The following CORIN variants were observed in gnomAD, a reference collection of about 807,000 sequenced individuals.
CORIN encodes atrial natriuretic peptide-converting enzyme.
A neutral mutation model predicts 125.3 loss-of-function variants in CORIN; 117 were observed. That is an observed-to-expected ratio of 0.93 (90% CI 0.80 to 1.09). The LOEUF (loss-of-function observed/expected upper bound fraction) is 1.09. Among genes scored for constraint, CORIN ranks in the 50% least tolerant of loss-of-function variants. The pLI is 0.00. For synonymous variants in CORIN, 450 were observed against 466.4 expected (o/e 0.96, Z 0.45); for missense variants, 1,253 against 1,306.7 (o/e 0.96, Z 0.63).
At chr4:47,658,710 T>C (rs1156939883) in intron 12 of CORIN, among the ~76,000 whole-genome samples, 1 of 152,250 alleles carries the variant, frequency 6.6e-6, no homozygotes, top group Non-Finnish European at 1.5e-5. Context: ...GGGAGATCTC[T>C]GAAATGCCTT....
rs372868098 is a variant in CORIN, at chr4:47,757,576, C to T, written c.617+5803G>A. On this transcript the variant is annotated intron_variant, in intron 4 of 21. Transcript: ENST00000273857. ...CACTACTACACTCCAGCCTTAGCAG[C>T]AGAGCGAGACCCTGCCTCAAAAAAT... Among the ~76,000 whole-genome samples the T allele has an allele frequency of 1.5e-4, 23 of 152,006 alleles. No homozygotes were observed. The East Asian group carries it at 2.3e-3, about 15-fold the overall frequency.
chr4:47,604,786 C>T (rs1721583919), intron 19 of CORIN, among the ~76,000 whole-genome samples: 1 of 152,182 alleles, frequency 6.6e-6, no homozygotes, highest in Admixed American at 6.5e-5. Flanking sequence ...TAATCTTAGT[C>T]CCTGTAGTCC....
chr4:47,651,554 A>C (rs970109999), intron 13 of CORIN, among the ~76,000 whole-genome samples: 1 of 152,236 alleles, frequency 6.6e-6, no homozygotes, highest in African/African-American at 2.4e-5. Context: ...CGAAGTATGT[A>C]AAGTTTTCTA....
chr4:47,707,470 C>T (rs980814678), intron 5 of CORIN, among the ~76,000 whole-genome samples: 7 of 152,278 alleles, frequency 4.6e-5, no homozygotes, highest in Middle Eastern at 6.8e-3. Context: ...GAATCCCACT[C>T]GTTTAACTTA....
chr4:47,746,356 C>T (rs925283411), intron 4 of CORIN, among the ~76,000 whole-genome samples: 3 of 152,140 alleles, frequency 2.0e-5, no homozygotes, highest in Non-Finnish European at 4.4e-5. Flanking sequence ...TATTACTAAT[C>T]CCCAATATAC....
At chr4:47,752,941 C>T (rs895774094) in intron 4 of CORIN, among the ~76,000 whole-genome samples, 3 of 151,678 alleles carry the variant, frequency 2.0e-5, no homozygotes, top group Admixed American at 1.3e-4. Context: ...GCCATGAATA[C>T]GGATATTCAA....
At chr4:47,671,490 C>A (rs1724755645) in intron 10 of CORIN, among the ~76,000 whole-genome samples, 1 of 152,190 alleles carries the variant, frequency 6.6e-6, no homozygotes, top group Admixed American at 6.5e-5. Flanking sequence ...TTACAGAGAC[C>A]TAAGTATGCA....
chr4:47,797,277 T>C (rs147698212), intron 2 of CORIN, among the ~76,000 whole-genome samples: 199 of 149,976 alleles, frequency 1.3e-3, no homozygotes, highest in African/African-American at 4.7e-3. Context: ...TAATTATATA[T>C]GTATATGTAA....
At chr4:47,752,370 C>T (rs551934473) in intron 4 of CORIN, among the ~76,000 whole-genome samples, 1 of 152,306 alleles carries the variant, frequency 6.6e-6, no homozygotes, top group African/African-American at 2.4e-5. Context: ...GCACAGTCAG[C>T]ACTCCATAAT....
rs376199724 is a variant in CORIN at position 47,780,913 on chromosome 4, TTA to T, written c.409+5810_409+5811del. Among the ~76,000 whole-genome samples, 1,109 of 150,206 alleles carry T rather than the reference TTA, an allele frequency of 7.4e-3. 11 individuals carry two copies. Among genetic ancestry groups the T allele is most frequent in the African/African-American group, 0.025 (1,012 of 41,100 alleles). ...GAATATATATATATCCTTTGAGATT[TTA>T]TATATATATATATGACAAAGGAAAT... On this transcript the variant is annotated intron_variant, in intron 3 of 21. Transcript: ENST00000273857.
At chr4:47,781,764 C>T (rs886727816) in intron 3 of CORIN, among the ~76,000 whole-genome samples, 3 of 151,726 alleles carry the variant, frequency 2.0e-5, no homozygotes, top group South Asian at 4.2e-4. Flanking sequence ...ATGGTGAAAC[C>T]GTGTCTCTAG....
intron 2 of CORIN, among the ~76,000 whole-genome samples, chr4:47,806,106 G>C (rs1209888786): frequency 1.3e-5 from 2 of 151,938 alleles, no homozygotes; most frequent in Non-Finnish European, 2.9e-5. Context: ...TTTTTACTTG[G>C]TTAAAAATGT....
At chr4:47,716,907 A>G (rs574596605) in intron 5 of CORIN, among the ~76,000 whole-genome samples, 14 of 152,136 alleles carry the variant, frequency 9.2e-5, no homozygotes, top group Non-Finnish European at 1.9e-4. Flanking sequence ...TAAAAAAAAT[A>G]CTGTTGGAAG....
At chr4:47,649,686 T>C (rs1420843078) in intron 13 of CORIN, among the ~76,000 whole-genome samples, 2 of 152,192 alleles carry the variant, frequency 1.3e-5, no homozygotes, top group Admixed American at 1.3e-4. Flanking sequence ...CGCAGGACAC[T>C]CTGCCATTCC....
chr4:47,724,788 G>A (rs1727511088), intron 5 of CORIN, among the ~76,000 whole-genome samples: 1 of 152,166 alleles, frequency 6.6e-6, no homozygotes, highest in South Asian at 2.1e-4. Context: ...TAGAAAATGA[G>A]ATTTAGTTTA....
intron 2 of CORIN, among the ~76,000 whole-genome samples, chr4:47,804,744 G>C (rs866170309): frequency 1.6e-3 from 209 of 131,278 alleles, no homozygotes; most frequent in Non-Finnish European, 2.7e-3. Context: ...GGAGGGGGGG[G>C]GTTGTTAATG....
chr4:47,815,180 G>A (rs550588647), intron 1 of CORIN, among the ~76,000 whole-genome samples: 3 of 151,994 alleles, frequency 2.0e-5, no homozygotes, highest in Non-Finnish European at 4.4e-5. Context: ...CCGTATCTCC[G>A]TATCTGCAAA....
At chr4:47,717,153 C>T (rs912149316) in intron 5 of CORIN, among the ~76,000 whole-genome samples, 1 of 152,116 alleles carries the variant, frequency 6.6e-6, no homozygotes, top group African/African-American at 2.4e-5. Context: ...AATCTCAGAA[C>T]CACAGTTTTT....
chr4:47,726,531 G>C (rs1251688434), intron 5 of CORIN, among the ~76,000 whole-genome samples: 1 of 152,112 alleles, frequency 6.6e-6, no homozygotes, highest in African/African-American at 2.4e-5. Flanking sequence ...GCAGTTTCCA[G>C]AGGTTTGGAG....
Sources: allele counts gnomAD v4.1 joint callset (sites outside exome capture counted in the v4.1 genomes callset), GRCh38; gene constraint gnomAD v4.1.1; transcripts MANE v1.5; gene names NCBI Gene and HGNC (gene_info 2026-07-23, HGNC 2026-07-21).